Variants in IL7 observed in about 807,000 individuals in gnomAD.
IL7 encodes the protein interleukin-7.
IL7 carries 3 observed loss-of-function variants against 21.6 expected under a neutral mutation model. The observed-to-expected ratio is 0.14, with a 90% CI of 0.06 to 0.36. The LOEUF (loss-of-function observed/expected upper bound fraction) is 0.36. Ranked by LOEUF, IL7 falls within the 10% of genes least tolerant of loss-of-function variation. The pLI is 1.00. For missense variants in IL7, 175 were observed against 200.2 expected, an observed-to-expected ratio of 0.87 and a Z score of 0.76; for synonymous variants, 62 against 68.1, an observed-to-expected ratio of 0.91 and a Z score of 0.44.
At chr8:78,801,052 A>C (rs913791524) in intron 1 of IL7, among the ~76,000 whole-genome samples, 1 of 152,186 alleles carries the variant, frequency 6.6e-6, no homozygotes, top group Non-Finnish European at 1.5e-5. Flanking sequence ...GGTTGCTGGA[A>C]AATTCAGTCT....
exon 5 of IL7, chr8:78,676,040 C>T (rs1156331761): frequency 4.6e-6 from 2 of 436,642 alleles, no homozygotes; most frequent in African/African-American, 4.1e-5. Context: ...GCTTTCTTTC[C>T]TTCAGAGTTT....
chr8:78,741,661 A>C (rs1452200472), intron 2 of IL7, among the ~76,000 whole-genome samples: 2 of 152,224 alleles, frequency 1.3e-5, no homozygotes, highest in Non-Finnish European at 2.9e-5. Flanking sequence ...ATCCACAGAA[A>C]GATAATGTTA....
intron 2 of IL7, among the ~76,000 whole-genome samples, chr8:78,796,983 A>G (rs1813873718): frequency 6.6e-6 from 1 of 152,066 alleles, no homozygotes. Flanking sequence ...TAATTTCCAA[A>G]TATTGGAAGC....
intron 1 of IL7, among the ~76,000 whole-genome samples, chr8:78,798,569 G>A (rs1053290779): frequency 1.3e-5 from 2 of 151,948 alleles, no homozygotes; most frequent in Admixed American, 6.5e-5. Context: ...ACTACAGTTC[G>A]AAGAGTTACA....
intron 3 of IL7, among the ~76,000 whole-genome samples, chr8:78,694,308 G>A (rs748913431): frequency 6.9e-6 from 1 of 145,572 alleles, no homozygotes; most frequent in Non-Finnish European, 1.5e-5. Context: ...TTCTCATTCA[G>A]TTTCCTTATA....
At chr8:78,798,028 T>C (rs1482055883) in intron 2 of IL7, 44 bp downstream of exon 2, 2 of 1,524,316 alleles carry the variant, frequency 1.3e-6, no homozygotes, top group South Asian at 1.3e-5. Flanking sequence ...GGTTCAAATT[T>C]TCCCAATGCA....
chr8:78,748,011 G>C (rs1238680888), intron 2 of IL7, among the ~76,000 whole-genome samples: 3 of 152,216 alleles, frequency 2.0e-5, no homozygotes, highest in Non-Finnish European at 4.4e-5. Flanking sequence ...TTTGAAGAGA[G>C]AGGGATCATG....
intron 2 of IL7, among the ~76,000 whole-genome samples, chr8:78,776,213 A>T (rs1813132471): frequency 6.6e-6 from 1 of 152,060 alleles, no homozygotes; most frequent in African/African-American, 2.4e-5. Context: ...AAGCACTGAG[A>T]TACCTCTGCA....
intron 1 of IL7, among the ~76,000 whole-genome samples, chr8:78,803,241 G>A (rs1334271420): frequency 6.6e-6 from 1 of 151,988 alleles, no homozygotes; most frequent in Non-Finnish European, 1.5e-5. Context: ...CATGGCTCAC[G>A]GCAGCCTTGA....
downstream of IL7, chr8:78,715,390 G>A (rs1036349995): frequency 5.6e-6 from 8 of 1,430,854 alleles, no homozygotes; most frequent in Admixed American, 1.4e-4. Context: ...AGTTTTCCAA[G>A]GACCATACAC....
chr8:78,676,966 C>G (rs1199965190), intron 4 of IL7, among the ~76,000 whole-genome samples: 1 of 152,004 alleles, frequency 6.6e-6, no homozygotes, highest in Non-Finnish European at 1.5e-5. Flanking sequence ...CATGGGTCCA[C>G]TAGATAGTCA....
At chr8:78,802,438 T>C (rs1814099422) in intron 1 of IL7, among the ~76,000 whole-genome samples, 1 of 151,752 alleles carries the variant, frequency 6.6e-6, no homozygotes, top group Non-Finnish European at 1.5e-5. Context: ...CTCTCTCTTT[T>C]TTTTTTTTTT....
chr8:78,713,048 C>G (rs895027255), downstream of IL7, among the ~76,000 whole-genome samples: 7 of 152,102 alleles, frequency 4.6e-5, no homozygotes, highest in African/African-American at 1.7e-4. Flanking sequence ...GCTGATTCTA[C>G]TGTCAGAACT....
intron 3 of IL7, among the ~76,000 whole-genome samples, chr8:78,692,362 A>AT (rs1455857690): frequency 5.3e-5 from 8 of 152,040 alleles, no homozygotes; most frequent in African/African-American, 1.7e-4. Flanking sequence ...TATTATTACT[A>AT]TTTTTTAATC....
chr8:78,683,837 A>G lies in IL7; in HGVS notation n.273+2052T>C, dbSNP rs559712152. Among the ~76,000 whole-genome samples, 6 of 152,336 alleles carry G rather than the reference A, an allele frequency of 3.9e-5. 2 individuals carry two copies. Among genetic ancestry groups the G allele is most frequent in the African/African-American group, 1.4e-4 (6 of 41,578 alleles). ...TTGCTCCCCAGAAATTTCTTCCACC[A>G]GAAACCTTAAATCATCTTTCCCAAG... is the stretch of plus-strand genomic sequence containing the variant. On this transcript the variant is annotated intron_variant and non_coding_transcript_variant, in intron 4 of 4. Transcript: ENST00000523959.
At chr8:78,775,028 A>C (rs1200479986) in intron 2 of IL7, among the ~76,000 whole-genome samples, 2 of 152,164 alleles carry the variant, frequency 1.3e-5, no homozygotes, top group Admixed American at 1.3e-4. Flanking sequence ...CCCATTCTTT[A>C]ACTTGTGTAA....
intron 2 of IL7, among the ~76,000 whole-genome samples, chr8:78,768,285 C>T (rs1462328693): frequency 6.6e-6 from 1 of 152,020 alleles, no homozygotes; most frequent in Non-Finnish European, 1.5e-5. Flanking sequence ...GGTATATACC[C>T]AGTAATGGGA....
At chr8:78,694,305 T>G (rs1810326307) in intron 3 of IL7, among the ~76,000 whole-genome samples, 2 of 151,438 alleles carry the variant, frequency 1.3e-5, no homozygotes, top group African/African-American at 2.4e-5. Flanking sequence ...TTTTTCTCAT[T>G]CAGTTTCCTT....
chr8:78,778,502 C>G (rs960295032), intron 2 of IL7, among the ~76,000 whole-genome samples: 4 of 152,054 alleles, frequency 2.6e-5, no homozygotes, highest in Non-Finnish European at 4.4e-5. Context: ...ATAGGGAATC[C>G]TTTCCCCATT....
Sources: allele counts gnomAD v4.1 joint callset (sites outside exome capture counted in the v4.1 genomes callset), GRCh38; gene constraint gnomAD v4.1.1; transcripts MANE v1.5; gene names NCBI Gene and HGNC (gene_info 2026-07-23, HGNC 2026-07-21).